The following KLHL1 variants were observed in gnomAD, a reference collection of about 807,000 sequenced individuals.
KLHL1 encodes the protein kelch like family member 1, also known as kelch-like protein 1.
KLHL1 carries 47 observed loss-of-function variants against 77.7 expected under a neutral mutation model. The ratio of observed to expected loss-of-function variants is 0.60; its 90% confidence interval spans 0.48 to 0.77. The LOEUF (loss-of-function observed/expected upper bound fraction) is 0.77. Among genes scored for constraint, KLHL1 ranks in the 30% least tolerant of loss-of-function variants. The pLI is 0.00. For synonymous variants in KLHL1, 360 were observed against 325.2 expected, an observed-to-expected ratio of 1.11 and a Z score of -1.15; for missense variants, 925 against 910.8, an observed-to-expected ratio of 1.02 and a Z score of -0.20.
chr13:70,102,045 T>C (rs990049547), intron 1 of KLHL1, among the ~76,000 whole-genome samples: 27 of 152,172 alleles, frequency 1.8e-4, no homozygotes, highest in African/African-American at 6.3e-4. Flanking sequence ...GAATATTATT[T>C]CACTTTAGTT....
In KLHL1 at chr13:69,905,064, A is replaced by G. The variant is rs149744720; in HGVS notation, c.1015-22569T>C. 4.5e-4 allele frequency among the ~76,000 whole-genome samples: 69 copies of G among 152,228 alleles called. 1 individual carries two copies. The highest frequency in any genetic ancestry group is 1.5e-3 in the African/African-American group (63 of 41,574). On this transcript the variant is annotated intron_variant, in intron 4 of 10. Coordinates refer to ENST00000377844, the MANE Select transcript of KLHL1 (RefSeq NM_020866.3). ...AACCTTTCTGTTTTCTGTAAATTCA[A>G]TTTGCTTCCTACCTCCAAACCACAA... is the stretch of plus-strand genomic sequence containing the variant.
chr13:69,727,675 A>G (rs1873362623), intron 8 of KLHL1, among the ~76,000 whole-genome samples: 1 of 152,166 alleles, frequency 6.6e-6, no homozygotes, highest in African/African-American at 2.4e-5. Flanking sequence ...GTTGAAATAC[A>G]TTTTAATTCT....
intron 4 of KLHL1, among the ~76,000 whole-genome samples, chr13:69,931,197 G>A (rs949543524): frequency 1.3e-5 from 2 of 151,560 alleles, no homozygotes; most frequent in African/African-American, 4.8e-5. Flanking sequence ...TTCAACTAAT[G>A]TGAAAATTGT....
At chr13:70,041,903 T>TGGCAGGA (rs1385946685) in intron 1 of KLHL1, among the ~76,000 whole-genome samples, 2 of 152,136 alleles carry the variant, frequency 1.3e-5, no homozygotes, top group Non-Finnish European at 2.9e-5. Context: ...CTCCATTTGT[T>TGGCAGGA]GGCAGGAGGG....
intron 7 of KLHL1, among the ~76,000 whole-genome samples, chr13:69,780,386 G>T (rs949575306): frequency 2.0e-4 from 31 of 151,886 alleles, no homozygotes; most frequent in African/African-American, 7.3e-4. Context: ...GAAACATATT[G>T]TCTTGGTTTA....
chr13:69,990,708 G>A (rs539517324), intron 1 of KLHL1, among the ~76,000 whole-genome samples: 3 of 151,922 alleles, frequency 2.0e-5, no homozygotes, highest in South Asian at 2.1e-4. Context: ...AGTAATGATG[G>A]GAGACTTCAA....
chr13:69,710,745 T>C (rs953061673), intron 9 of KLHL1, among the ~76,000 whole-genome samples: 7 of 152,156 alleles, frequency 4.6e-5, no homozygotes, highest in African/African-American at 1.7e-4. Context: ...TTTCAGGTTA[T>C]GTTTCTGAAA....
chr13:69,843,586 T>G (rs1879348232), intron 5 of KLHL1, among the ~76,000 whole-genome samples: 1 of 151,724 alleles, frequency 6.6e-6, no homozygotes, highest in South Asian at 2.1e-4. Flanking sequence ...TTTAGCATAG[T>G]ATTTTTACAT....
chr13:69,869,985 T>C (rs1880518345), intron 5 of KLHL1, among the ~76,000 whole-genome samples: 1 of 152,032 alleles, frequency 6.6e-6, no homozygotes, highest in African/African-American at 2.4e-5. Flanking sequence ...TTCTGCAGGG[T>C]GTTTTGTTTA....
intron 1 of KLHL1, among the ~76,000 whole-genome samples, chr13:70,011,482 C>T (rs1885532689): frequency 6.6e-6 from 1 of 152,072 alleles, no homozygotes; most frequent in Non-Finnish European, 1.5e-5. Context: ...ATTTTATGCT[C>T]TTCCATTTTG....
chr13:69,913,025 G>A (rs992188114), intron 4 of KLHL1, among the ~76,000 whole-genome samples: 1 of 152,124 alleles, frequency 6.6e-6, no homozygotes, highest in African/African-American at 2.4e-5. Context: ...CAAGGCTTCT[G>A]ACATCACCAT....
intron 4 of KLHL1, among the ~76,000 whole-genome samples, chr13:69,937,869 C>G (rs939422318): frequency 2.0e-5 from 3 of 152,038 alleles, no homozygotes; most frequent in Non-Finnish European, 2.9e-5. Context: ...CTTTGAAGAT[C>G]AAGTTTACAT....
chr13:70,022,113 T>C (rs2137353242), intron 1 of KLHL1, among the ~76,000 whole-genome samples: 1 of 152,138 alleles, frequency 6.6e-6, no homozygotes, highest in African/African-American at 2.4e-5. Context: ...AGTTTTGCCT[T>C]TTACAAGTAG....
intron 4 of KLHL1, among the ~76,000 whole-genome samples, chr13:69,896,918 C>A (rs1203273936): frequency 1.3e-5 from 2 of 152,026 alleles, no homozygotes; most frequent in African/African-American, 2.4e-5. Context: ...GATCCGCCCG[C>A]CTCAGCCTCC....
At chr13:69,907,910 T>C (rs1336030142) in intron 4 of KLHL1, among the ~76,000 whole-genome samples, 1 of 152,208 alleles carries the variant, frequency 6.6e-6, no homozygotes, top group East Asian at 1.9e-4. Flanking sequence ...GTTACTTGGA[T>C]GGTGGGAGTG....
chr13:69,712,181 C>A lies in KLHL1; in HGVS notation c.2016-4385G>T, dbSNP rs568844382. On this transcript the variant is annotated intron_variant, in intron 9 of 10. Transcript: ENST00000377844. ...CAACTTTTTACCCTCTAAATGGTAT[C>A]TTCTGAAGACATTTTACTGTCATAT... Among the ~76,000 whole-genome samples, 128 of 152,128 alleles carry A rather than the reference C, an allele frequency of 8.4e-4. 2 individuals carry two copies. Among genetic ancestry groups the A allele is most frequent in the Admixed American group, 2.2e-3 (33 of 15,240 alleles).
chr13:70,021,462 G>T (rs1404814813), intron 1 of KLHL1, among the ~76,000 whole-genome samples: 1 of 152,012 alleles, frequency 6.6e-6, no homozygotes, highest in Non-Finnish European at 1.5e-5. Flanking sequence ...TAATAAAGCT[G>T]CTATAAACAT....
chr13:69,981,839 G>T (rs190703599), intron 1 of KLHL1, among the ~76,000 whole-genome samples: 62 of 151,042 alleles, frequency 4.1e-4, no homozygotes, highest in African/African-American at 1.3e-3. Flanking sequence ...CAAACCAAAA[G>T]AATGCAAATG....
intron 1 of KLHL1, among the ~76,000 whole-genome samples, chr13:69,985,186 A>G (rs1884828260): frequency 2.0e-5 from 3 of 152,124 alleles, no homozygotes; most frequent in Admixed American, 2.0e-4. Context: ...GTGAAGAGAC[A>G]GCTTACCGTG....
Sources: gnomAD v4.1 joint callset for allele counts (sites outside exome capture counted in the v4.1 genomes callset) on GRCh38, gnomAD v4.1.1 for gene constraint, MANE v1.5 for transcripts, NCBI Gene and HGNC (gene_info 2026-07-23, HGNC 2026-07-21) for gene names.